The following SFMBT2 variants were observed in gnomAD, a reference collection of about 807,000 sequenced individuals.
The protein encoded by SFMBT2 is Scm like with four mbt domains 2.
In SFMBT2, 38 loss-of-function variants were observed where a neutral mutation model predicts 110.1. The ratio of observed to expected loss-of-function variants is 0.35; its 90% CI spans 0.27 to 0.45. The LOEUF (loss-of-function observed/expected upper bound fraction) is 0.45, where lower values mean the gene tolerates loss of function less well. SFMBT2 is among the 20% of genes least tolerant of loss of function. The pLI, the probability that SFMBT2 is intolerant of heterozygous loss-of-function variation, is 1.00. For missense variants in SFMBT2, 1,011 were observed against 1,094.9 expected, an observed-to-expected ratio of 0.92 and a Z score of 1.08; for synonymous variants, 425 against 425.4, an observed-to-expected ratio of 1.00 and a Z score of 0.01.
intron 4 of SFMBT2, among the ~76,000 whole-genome samples, chr10:7,361,008 C>T (rs1200839953): frequency 6.6e-6 from 1 of 152,144 alleles, no homozygotes; most frequent in Non-Finnish European, 1.5e-5. Flanking sequence ...AAATATCTAA[C>T]TATGACTTTT....
intron 1 of SFMBT2, among the ~76,000 whole-genome samples, chr10:7,383,728 C>T (rs1182684892): frequency 1.3e-5 from 2 of 152,136 alleles, no homozygotes; most frequent in Non-Finnish European, 2.9e-5. Flanking sequence ...GCGAGATTAT[C>T]GCTCCCTCAC....
chr10:7,228,379 A>G, intron 9 of SFMBT2: 1 of 809,924 alleles, frequency 1.2e-6, no homozygotes, highest in Non-Finnish European at 1.5e-6. Flanking sequence ...AAAAAATTAA[A>G]AAAAAAAAAA....
chr10:7,381,031 A>G (rs1210363712), intron 2 of SFMBT2, among the ~76,000 whole-genome samples: 1 of 152,126 alleles, frequency 6.6e-6, no homozygotes, highest in African/African-American at 2.4e-5. Flanking sequence ...CCTGGGCAAC[A>G]GGTGAGATCC....
At chr10:7,176,267 A>T in intron 16 of SFMBT2, 102 bp from the exon 17 acceptor site, 1 of 1,271,942 alleles carries the variant, frequency 7.9e-7, no homozygotes, top group South Asian at 1.4e-5. Context: ...TTTTCCAATG[A>T]CAAAGCATAT....
chr10:7,312,875 G>A lies in SFMBT2; in HGVS notation c.437-26921C>T, dbSNP rs983234170. Among the ~76,000 whole-genome samples, 5 of 152,240 alleles carry A rather than the reference G, an allele frequency of 3.3e-5. No homozygotes were observed. In the South Asian group the frequency reaches 6.2e-4, roughly 19 times the overall value. On this transcript the variant is annotated intron_variant, in intron 4 of 20. Transcript: ENST00000397167. ...ATATAACCTAATTCCAGAAGGAGAG[G>A]GACAGCATTTCAAAGTAAAAACTAG... is the stretch of plus-strand genomic sequence containing the variant.
chr10:7,312,853 T>C (rs1842898242), intron 4 of SFMBT2, among the ~76,000 whole-genome samples: 1 of 152,174 alleles, frequency 6.6e-6, no homozygotes, highest in African/African-American at 2.4e-5. Context: ...ACAGACAATA[T>C]AACCTAATTC....
At chr10:7,405,091 G>A (rs935406336) in intron 1 of SFMBT2, among the ~76,000 whole-genome samples, 20 of 152,136 alleles carry the variant, frequency 1.3e-4, no homozygotes, top group Admixed American at 3.9e-4. Context: ...GTCTAACAAA[G>A]AGAGGAAGAC....
At chr10:7,396,065 C>T (rs1360821151) in intron 1 of SFMBT2, among the ~76,000 whole-genome samples, 1 of 152,096 alleles carries the variant, frequency 6.6e-6, no homozygotes, top group Non-Finnish European at 1.5e-5. Context: ...TGAAACCCTG[C>T]CTCTACTAAA....
intron 4 of SFMBT2, among the ~76,000 whole-genome samples, chr10:7,292,887 G>A (rs1842302088): frequency 6.6e-6 from 1 of 152,056 alleles, no homozygotes; most frequent in Non-Finnish European, 1.5e-5. Flanking sequence ...CAGCTACTAG[G>A]AAGGCTGAGG....
intron 2 of SFMBT2, among the ~76,000 whole-genome samples, chr10:7,381,076 CATACAT>C (rs1845407984): frequency 1.5e-5 from 2 of 132,648 alleles, no homozygotes; most frequent in African/African-American, 8.2e-5. Flanking sequence ...TACACACATA[CATACAT>C]ACATACATAC....
At chr10:7,376,484 G>C (rs1357325721) in intron 2 of SFMBT2, among the ~76,000 whole-genome samples, 2 of 151,838 alleles carry the variant, frequency 1.3e-5, no homozygotes, top group Non-Finnish European at 2.9e-5. Context: ...CGGATCACGA[G>C]GTCAAGAGAT....
intron 2 of SFMBT2, among the ~76,000 whole-genome samples, chr10:7,372,335 G>T (rs1474694868): frequency 6.6e-6 from 1 of 152,178 alleles, no homozygotes; most frequent in Non-Finnish European, 1.5e-5. Flanking sequence ...GAATTGAAAG[G>T]CTATTTTAAA....
chr10:7,169,998 T>C (rs1837822787), intron 20 of SFMBT2, among the ~76,000 whole-genome samples: 1 of 152,182 alleles, frequency 6.6e-6, no homozygotes, highest in African/African-American at 2.4e-5. Flanking sequence ...GAAAGCAGCA[T>C]TCAGTACGAC....
chr10:7,186,425 T>TACACATACACACACACACACACAC (rs1554782947), intron 16 of SFMBT2, among the ~76,000 whole-genome samples: 6 of 109,392 alleles, frequency 5.5e-5, no homozygotes, highest in African/African-American at 2.2e-4. Context: ...ATACTATATA[T>TACACATACACACACACACACACAC]ACACACACAC....
chr10:7,340,620 C>G (rs573246109), intron 4 of SFMBT2, among the ~76,000 whole-genome samples: 1 of 146,742 alleles, frequency 6.8e-6, no homozygotes, highest in South Asian at 2.2e-4. Context: ...CCTGCCAAAG[C>G]ACTCCAGCCC....
chr10:7,240,188 A>G (rs186280216), intron 9 of SFMBT2, among the ~76,000 whole-genome samples: 70 of 152,268 alleles, frequency 4.6e-4, no homozygotes, highest in Middle Eastern at 3.4e-3. Context: ...AACACTAATA[A>G]TTATTCTCAT....
chr10:7,327,731 C>T (rs928951964), intron 4 of SFMBT2, among the ~76,000 whole-genome samples: 1 of 151,478 alleles, frequency 6.6e-6, no homozygotes, highest in East Asian at 1.9e-4. Flanking sequence ...CAGCATGCAA[C>T]CTTTGAGACT....
chr10:7,169,413 G>C (rs1837803028), intron 20 of SFMBT2, among the ~76,000 whole-genome samples: 1 of 152,126 alleles, frequency 6.6e-6, no homozygotes, highest in Non-Finnish European at 1.5e-5. Flanking sequence ...ATTTTAATTT[G>C]CTTTTTCCAG....
At chr10:7,319,746 C>CAGAGAGAGAGAGAGACAG (rs148675672) in intron 4 of SFMBT2, among the ~76,000 whole-genome samples, 1 of 143,316 alleles carries the variant, frequency 7.0e-6, no homozygotes, top group Non-Finnish European at 1.5e-5. Flanking sequence ...GATAGAGAGA[C>CAGAGAGAGAGAGAGACAG]AGAGAGAGAG....
Sources: gnomAD v4.1 joint callset for allele counts (sites outside exome capture counted in the v4.1 genomes callset) on GRCh38, gnomAD v4.1.1 for gene constraint, MANE v1.5 for transcripts, NCBI Gene and HGNC (gene_info 2026-07-23, HGNC 2026-07-21) for gene names.